ASPM: variants seen among roughly 807,000 people sequenced by gnomAD.
ASPM encodes the protein assembly factor for spindle microtubules.
A neutral mutation model predicts 366.4 loss-of-function variants in ASPM; 256 were observed. The ratio of observed to expected loss-of-function variants is 0.70; its 90% CI spans 0.63 to 0.77. The LOEUF (loss-of-function observed/expected upper bound fraction) is 0.77, where lower values mean the gene tolerates loss of function less well. Among genes scored for constraint, ASPM ranks in the 30% least tolerant of loss-of-function variants. The probability of loss-of-function intolerance (pLI) is 0.00; values close to 1 mark genes in which losing one functional copy is unlikely to be tolerated. For missense variants in ASPM, 4,146 were observed against 4,090.4 expected, an observed-to-expected ratio of 1.01 and a Z score of -0.37; for synonymous variants, 1,414 against 1,342.9, an observed-to-expected ratio of 1.05 and a Z score of -1.16.
chr1:197,144,676 C>T (rs1402904118), intron 1 of ASPM, among the ~76,000 whole-genome samples: 1 of 152,126 alleles, frequency 6.6e-6, no homozygotes, highest in African/African-American at 2.4e-5. Context: ...TAACTAACAT[C>T]CAGAAAAGTC....
chr1:197,133,665 A>T, intron 5 of ASPM, 70 bp from the exon 6 acceptor site: 1 of 1,549,778 alleles, frequency 6.5e-7, no homozygotes, highest in African/African-American at 1.4e-5. Flanking sequence ...ATCCAGCAAT[A>T]AAATGCAATT....
intron 4 of ASPM, among the ~76,000 whole-genome samples, chr1:197,137,321 T>C (rs1436190668): frequency 6.6e-6 from 1 of 152,200 alleles, no homozygotes; most frequent in Non-Finnish European, 1.5e-5. Context: ...TGTCAGACAT[T>C]GTTCTAGGCC....
At chr1:197,089,344 G>T (rs1656699495) in intron 25 of ASPM, among the ~76,000 whole-genome samples, 1 of 152,024 alleles carries the variant, frequency 6.6e-6, no homozygotes, top group Middle Eastern at 3.2e-3. Flanking sequence ...AAGGCCAAAA[G>T]ACAAATTCTG....
chr1:197,090,008 C>T lies in ASPM; in HGVS notation c.9906G>A (p.Leu3302=). 6.2e-7 allele frequency: 1 copy of T among 1,612,588 alleles called. No homozygotes were observed. Among genetic ancestry groups the T allele is most frequent in the Non-Finnish European group, 8.5e-7 (1 of 1,179,356 alleles). The stretch of plus-strand genomic sequence containing the variant: ...GAATACTGCGATTACAACTTCGGAT[C>T]AAAACAAATATTTTAGAAATTGCTC... The part of the protein sequence containing the change: ...QSGAISKIFV[L]IRSCNRSIPC... The change falls in exon 25 of 28, where the codon TTG becomes TTA. Residue 3302 remains leucine, a synonymous_variant. Transcript: ENST00000367409.
chr1:197,086,836 G>A lies in ASPM; in HGVS notation c.10298C>T (p.Pro3433Leu). 6.2e-7 allele frequency: 1 copy of A among 1,611,052 alleles called. No homozygotes were observed. Among genetic ancestry groups the A allele is most frequent in the South Asian group, 1.1e-5 (1 of 91,002 alleles). ...KNSSISIPFI[P>L]ETPVRTRIVS... Reference sequence around the variant, plus strand: ...TATTCTGGTCCTTACAGGTGTTTCTGGGATAAAAGGAATGCTTATAGAAGA... The same window carrying A: ...TATTCTGGTCCTTACAGGTGTTTCTAGGATAAAAGGAATGCTTATAGAAGA... Residue 3433 changes from proline to leucine, a missense_variant, in exon 27 of 28, where the codon CCA (proline) becomes CTA (leucine). Transcript: ENST00000367409.
At chr1:197,129,649 T>C (rs890543691) in intron 8 of ASPM, among the ~76,000 whole-genome samples, 3 of 152,112 alleles carry the variant, frequency 2.0e-5, no homozygotes, top group Admixed American at 6.5e-5. Context: ...GTGTTAGATA[T>C]ACAGTACCAA....
intron 21 of ASPM, 60 bp from the exon 22 acceptor site, chr1:197,092,116 T>G (rs1292367117): frequency 6.7e-6 from 10 of 1,500,266 alleles, no homozygotes; most frequent in Admixed American, 3.4e-5. Flanking sequence ...TCAATGAGTG[T>G]TTTTTTTTGT....
At chr1:197,091,446 A>G (rs1006914474) in intron 22 of ASPM, among the ~76,000 whole-genome samples, 3 of 152,100 alleles carry the variant, frequency 2.0e-5, no homozygotes, top group Admixed American at 6.6e-5. Context: ...AGAACAGCCA[A>G]TGGAAAAACG....
chr1:197,120,350 T>C (rs536557047), intron 16 of ASPM, among the ~76,000 whole-genome samples: 1 of 151,908 alleles, frequency 6.6e-6, no homozygotes, highest in East Asian at 1.9e-4. Context: ...GGCAATGGGG[T>C]GAAATCCTGT....
In ASPM at chr1:197,124,283, G is replaced by C. The variant is rs1214066958; in HGVS notation, c.3217C>G (p.Leu1073Val). 1 of 1,602,502 alleles carries C rather than the reference G, an allele frequency of 6.2e-7. No individual in the cohort carries two copies. The highest frequency in any genetic ancestry group is 8.5e-7 in the Non-Finnish European group (1 of 1,170,948). ...LDQLKEEIAF[L>V]KHTKSIKKTI... is the part of the protein sequence containing the mutation. ...TTCTTTATACTCTTTGTGTGTTTTA[G>C]AAAGGCAATTTCTTCCTTTAATTGA... Residue 1073 changes from leucine to valine, a missense_variant, in exon 13 of 28, where the codon CTA becomes GTA. This residue lies in a region of ASPM where 3,624 missense variants were observed against 3,591.7 expected (regional missense o/e 1.01). Transcript: ENST00000367409.
intron 17 of ASPM, among the ~76,000 whole-genome samples, chr1:197,111,637 G>A (rs79222044): frequency 0.019 from 2,858 of 152,104 alleles, 91 homozygotes; most frequent in African/African-American, 0.064. Context: ...TATGTTCATC[G>A]CAGAACTAAT....
Position 197,129,202 on chromosome 1 carries a change from T to C in ASPM, c.2745A>G (p.Lys915=). 6.2e-7 allele frequency: 1 copy of C among 1,612,492 alleles called. No individual in the cohort carries two copies. The highest frequency in any genetic ancestry group is 1.1e-5 in the South Asian group (1 of 90,882). ...AAAAGCATACCTTGAATTCGGCATCTTTACAGAAGAGACAAGGATCATGAT... is the reference window on the plus strand; with the variant it reads ...AAAAGCATACCTTGAATTCGGCATCCTTACAGAAGAGACAAGGATCATGAT... ...LIDHDPCLFC[K]DAEFKASKEI... is the part of the protein sequence containing the mutation. Residue 915 remains lysine (K), a synonymous_variant, in exon 9 of 28, where the codon AAA becomes AAG. Coordinates refer to ENST00000367409, the MANE Select transcript of ASPM (RefSeq NM_018136.5).
At chr1:197,084,572 ATTATTGCCCATCACTAGT>A (rs1359752972) in intron 27 of ASPM, 146 bp from the exon 28 acceptor site, 1 of 652,986 alleles carries the variant, frequency 1.5e-6, no homozygotes, top group Non-Finnish European at 2.7e-6. Flanking sequence ...AGAACTTCAT[ATTATTGCCCATCACTAGT>A]TCCAGACTAT....
Position 197,101,799 on chromosome 1 carries a change from T to C in ASPM, c.7452A>G (p.Ala2484=), listed in dbSNP as rs145884637. ...KKKLQEMQRA[A]VLIQATFRMY... ...TCCTGAAAGTAGCCTGAATGAGAAC[T>C]GCAGCCCTTTGCATTTCTTGTAACT... The change falls in exon 18 of 28, where the codon GCA becomes GCG. Residue 2484 remains alanine, a synonymous_variant. Coordinates refer to ENST00000367409, the MANE Select transcript of ASPM (RefSeq NM_018136.5). The C allele has an allele frequency of 4.7e-5, 76 of 1,612,754 alleles. No homozygotes were observed. The Middle Eastern group carries it at 4.9e-4, about 10-fold the overall frequency.
At chr1:197,096,192 T>G (rs774781918) in intron 18 of ASPM, 28 bp from the exon 19 acceptor site, 2 of 1,535,996 alleles carry the variant, frequency 1.3e-6, no homozygotes, top group South Asian at 2.2e-5. Context: ...ATAACAAGTA[T>G]GCAATGAGTT....
intron 4 of ASPM, among the ~76,000 whole-genome samples, chr1:197,138,378 C>T (rs547360574): frequency 9.1e-4 from 138 of 152,234 alleles, no homozygotes; most frequent in African/African-American, 3.3e-3. Flanking sequence ...ACCTGGCTCG[C>T]TGCAACCTCC....
chr1:197,114,579 A>AT (rs989866614), intron 17 of ASPM, among the ~76,000 whole-genome samples: 17 of 151,560 alleles, frequency 1.1e-4, no homozygotes, highest in South Asian at 8.4e-4. Context: ...CAAAAAGTAC[A>AT]TTTTTTTTTA....
chr1:197,123,346 G>C (rs1017737099), intron 13 of ASPM, among the ~76,000 whole-genome samples: 1 of 152,132 alleles, frequency 6.6e-6, no homozygotes, highest in East Asian at 1.9e-4. Flanking sequence ...AGCTGGCTAT[G>C]AGGGCCCAGG....
rs769108836 is a variant in ASPM at position 197,088,175 on chromosome 1, T to A, written c.10161+81A>T. 1.3e-5 allele frequency: 19 copies of A among 1,468,040 alleles called. No individual in the cohort carries two copies. The East Asian group carries it at 4.3e-4, about 33-fold the overall frequency. The allele number at this position is 1,468,040 out of a possible 1,614,324, so 90.9% of individuals were successfully genotyped here. A position where few individuals can be genotyped will look rare whatever the true frequency, so the allele number is the denominator to read the frequency against. Reference sequence around the variant, plus strand: ...TAAAACCCTATTTTAGAGTGATAATTACTAAAGGAAAACTATAAAAGTCAT... The same window carrying A: ...TAAAACCCTATTTTAGAGTGATAATAACTAAAGGAAAACTATAAAAGTCAT... On this transcript the variant is annotated intron_variant, in intron 26 of 27. Coordinates refer to ENST00000367409, the MANE Select transcript of ASPM (RefSeq NM_018136.5).
Sources: allele counts gnomAD v4.1 joint callset (sites outside exome capture counted in the v4.1 genomes callset), GRCh38; gene constraint gnomAD v4.1.1; regional missense constraint gnomAD v4.1.1; transcripts MANE v1.5; gene names NCBI Gene and HGNC (gene_info 2026-07-23, HGNC 2026-07-21).